Variants in ECPAS observed in about 807,000 individuals in gnomAD.
ECPAS encodes proteasome adapter and scaffold protein ECM29.
Under a neutral mutation model 255.1 loss-of-function variants are expected in ECPAS, and 70 were observed. That is an observed-to-expected ratio of 0.27 (90% CI 0.23 to 0.33). ECPAS has a LOEUF of 0.33. ECPAS is among the 10% of genes least tolerant of loss of function. The probability of loss-of-function intolerance (pLI) is 1.00; values close to 1 mark genes in which losing one functional copy is unlikely to be tolerated. For synonymous variants in ECPAS, 784 were observed against 775.0 expected (o/e 1.01, Z -0.19); for missense variants, 1,817 against 2,206.4 (o/e 0.82, Z 3.54).
At chr9:111,467,947 G>A (rs2098281536) in intron 2 of ECPAS, among the ~76,000 whole-genome samples, 1 of 152,098 alleles carries the variant, frequency 6.6e-6, no homozygotes, top group Admixed American at 6.5e-5. Context: ...GAGGTCAGGA[G>A]TTCAAGACCA....
At chr9:111,385,866 G>C (rs2098147494) in intron 32 of ECPAS, among the ~76,000 whole-genome samples, 1 of 152,210 alleles carries the variant, frequency 6.6e-6, no homozygotes, top group Non-Finnish European at 1.5e-5. Flanking sequence ...CATAAACTAT[G>C]ACAATTTAGG....
chr9:111,461,150 T>C (rs1322691342), intron 2 of ECPAS, among the ~76,000 whole-genome samples: 2 of 152,076 alleles, frequency 1.3e-5, no homozygotes, highest in Non-Finnish European at 1.5e-5. Context: ...TAGAAGACTT[T>C]GGTCAAATTT....
chr9:111,473,332 T>C (rs2098291650), intron 1 of ECPAS, among the ~76,000 whole-genome samples: 1 of 152,222 alleles, frequency 6.6e-6, no homozygotes, highest in Non-Finnish European at 1.5e-5. Context: ...AACTGTTACA[T>C]TAATTAGAAG....
rs896454762 is a variant in ECPAS, at chr9:111,484,109, C to G, written c.-83+7G>C. The G allele has an allele frequency of 2.1e-6, 3 of 1,424,462 alleles. No homozygotes were observed. Among genetic ancestry groups the G allele is most frequent in the South Asian group, 1.4e-5 (1 of 73,236 alleles). 88.2% of individuals were successfully genotyped at this position (1,424,462 alleles called of 1,614,324 possible). A position where few individuals can be genotyped will look rare whatever the true frequency, so the allele number is the denominator to read the frequency against. On this transcript the variant is annotated splice_region_variant and intron_variant, in intron 1 of 49. Transcript: ENST00000684092. ...AGTCCCCCGCGGCCCGGGGGCGGGC[C>G]TCTGACCTGAGTCGGAGCCGGTCTC...
At chr9:111,402,067 T>C (rs2098176911) in intron 24 of ECPAS, among the ~76,000 whole-genome samples, 1 of 152,190 alleles carries the variant, frequency 6.6e-6, no homozygotes, top group African/African-American at 2.4e-5. Context: ...ATAAGAGGAT[T>C]GATTGAGGAA....
chr9:111,446,832 A>G (rs1432473754), intron 3 of ECPAS, among the ~76,000 whole-genome samples: 1 of 152,190 alleles, frequency 6.6e-6, no homozygotes, highest in Non-Finnish European at 1.5e-5. Flanking sequence ...TCAAACACTG[A>G]TATTTGAACT....
rs780245070 is a variant in ECPAS, at chr9:111,422,041, T to C, written c.1335A>G (p.Glu445=). Residue 445 remains glutamate, a splice_region_variant and synonymous_variant, in exon 15 of 50, where the codon GAA becomes GAG. Coordinates refer to ENST00000684092, the MANE Select transcript of ECPAS (RefSeq NM_001364929.1). ...VQQLFEALCK[E]EPETRLAIQE... Reference sequence around the variant, plus strand: ...GAATAGCAAGTCGAGTCTCAGGCTCTTCCTATAAAGATGATAAAAATGTTT... The same window carrying C: ...GAATAGCAAGTCGAGTCTCAGGCTCCTCCTATAAAGATGATAAAAATGTTT... 4 of 1,613,728 alleles carry C rather than the reference T, an allele frequency of 2.5e-6. No homozygotes were observed. The highest frequency in any genetic ancestry group is 3.4e-6 in the Non-Finnish European group (4 of 1,179,772).
At chr9:111,435,493 C>T (rs968017476) in intron 7 of ECPAS, among the ~76,000 whole-genome samples, 1 of 152,114 alleles carries the variant, frequency 6.6e-6, no homozygotes, top group Non-Finnish European at 1.5e-5. Flanking sequence ...ATCCTAGGTT[C>T]AAAGCCTGGT....
At chr9:111,369,585 C>T (rs1348642651) in intron 45 of ECPAS, among the ~76,000 whole-genome samples, 1 of 152,168 alleles carries the variant, frequency 6.6e-6, no homozygotes, top group African/African-American at 2.4e-5. Flanking sequence ...ACAAGTCTCC[C>T]AAATCCATAT....
rs73533535 is a variant in ECPAS, at chr9:111,434,740, C to A, written c.709-1368G>T. On this transcript the variant is annotated intron_variant, in intron 7 of 49. Transcript: ENST00000684092. ...CAGCAGCTGGGGCTACAGGCACACA[C>A]ACCGCCATGCCCGGCTAATTTTTGT... 7.3e-3 allele frequency among the ~76,000 whole-genome samples: 1,106 copies of A among 151,950 alleles called. 17 individuals carry two copies. Among genetic ancestry groups the A allele is most frequent in the African/African-American group, 0.024 (1,009 of 41,450 alleles).
chr9:111,380,546 C>G (rs2098139323), intron 35 of ECPAS, among the ~76,000 whole-genome samples: 1 of 152,212 alleles, frequency 6.6e-6, no homozygotes, highest in Admixed American at 6.5e-5. Flanking sequence ...TCAACTTAGT[C>G]ACCAGCTGCA....
At chr9:111,458,915 C>CTAT (rs2098270052) in intron 2 of ECPAS, among the ~76,000 whole-genome samples, 1 of 152,106 alleles carries the variant, frequency 6.6e-6, no homozygotes, top group Non-Finnish European at 1.5e-5. Context: ...AAAACCATAA[C>CTAT]CATAAATACA....
chr9:111,484,192 G>C lies in ECPAS; in HGVS notation c.-159C>G. The C allele has an allele frequency of 2.0e-6, 3 of 1,482,614 alleles. No homozygotes were observed. The South Asian group carries it at 3.9e-5, about 19-fold the overall frequency. The allele number at this position is 1,482,614 out of a possible 1,614,324, so 91.8% of individuals were successfully genotyped here. On this transcript the variant is annotated 5_prime_UTR_variant, in exon 1 of 50. Transcript: ENST00000684092. Reference sequence around the variant, plus strand: ...GTGAGGGCTGTAGAGCGAGGCGTTCGGCGGGCCGGGCCCCGGGGAGCCGCG... The same window carrying C: ...GTGAGGGCTGTAGAGCGAGGCGTTCCGCGGGCCGGGCCCCGGGGAGCCGCG...
chr9:111,444,513 G>A lies in ECPAS; in HGVS notation c.154-19C>T. 1 of 1,483,318 alleles carries A rather than the reference G, an allele frequency of 6.7e-7. No individual in the cohort carries two copies. The highest frequency in any genetic ancestry group is 9.4e-7 in the Non-Finnish European group (1 of 1,066,324). 91.9% of individuals were successfully genotyped at this position (1,483,318 alleles called of 1,614,324 possible). The stretch of plus-strand genomic sequence containing the variant: ...CCATTACCTAAAATACAGAGAGATG[G>A]GAACTAAAGTTATTGATCATATCTT... On this transcript the variant is annotated intron_variant, in intron 3 of 49. Transcript: ENST00000684092.
intron 3 of ECPAS, among the ~76,000 whole-genome samples, chr9:111,447,880 T>C (rs2098255392): frequency 6.6e-6 from 1 of 152,166 alleles, no homozygotes; most frequent in South Asian, 2.1e-4. Flanking sequence ...CCCTTTTCCC[T>C]TGTCCTTTCA....
At chr9:111,473,715 C>G in intron 1 of ECPAS, among the ~76,000 whole-genome samples, 1 of 152,152 alleles carries the variant, frequency 6.6e-6, no homozygotes, top group Non-Finnish European at 1.5e-5. Context: ...GCCTGTAATC[C>G]CAGCACTCTG....
At chr9:111,384,942 T>C (rs2098145812) in intron 33 of ECPAS, among the ~76,000 whole-genome samples, 1 of 152,356 alleles carries the variant, frequency 6.6e-6, no homozygotes, top group African/African-American at 2.4e-5. Context: ...CTAATTTTAA[T>C]GGTAAAATAC....
chr9:111,449,907 G>A (rs1006666364), intron 3 of ECPAS, among the ~76,000 whole-genome samples: 5 of 152,160 alleles, frequency 3.3e-5, no homozygotes, highest in African/African-American at 1.2e-4. Flanking sequence ...CAGAACACCT[G>A]CACAGGGTCT....
At chr9:111,393,032 A>G in intron 27 of ECPAS, 150 bp from the exon 28 acceptor site, 2 of 603,790 alleles carry the variant, frequency 3.3e-6, no homozygotes, top group Non-Finnish European at 5.9e-6. Flanking sequence ...TATTTTGTTA[A>G]AAATAATAAT....
Sources: gnomAD v4.1 joint callset for allele counts (sites outside exome capture counted in the v4.1 genomes callset) on GRCh38, gnomAD v4.1.1 for gene constraint, MANE v1.5 for transcripts, NCBI Gene and HGNC (gene_info 2026-07-23, HGNC 2026-07-21) for gene names.